Variants in IPO11 observed in about 807,000 individuals in gnomAD.
The protein encoded by IPO11 is importin 11.
Under a neutral mutation model 143.2 loss-of-function variants are expected in IPO11, and 66 were observed. The ratio of observed to expected loss-of-function variants is 0.46; its 90% CI spans 0.38 to 0.57. The LOEUF is 0.57. Among genes scored for constraint, IPO11 ranks in the 20% least tolerant of loss-of-function variants. The pLI is 0.00. For missense variants in IPO11, 1,026 were observed against 1,141.0 expected (o/e 0.90, Z 1.45); for synonymous variants, 385 against 377.8 (o/e 1.02, Z -0.22).
intron 27 of IPO11, among the ~76,000 whole-genome samples, chr5:62,590,093 G>A (rs988787407): frequency 2.0e-5 from 3 of 152,194 alleles, no homozygotes; most frequent in Non-Finnish European, 4.4e-5. Context: ...GCAGCTGTGG[G>A]GACACTCCAC....
At chr5:62,611,228 C>T (rs1055663072) in intron 29 of IPO11, among the ~76,000 whole-genome samples, 1 of 151,926 alleles carries the variant, frequency 6.6e-6, no homozygotes, top group Non-Finnish European at 1.5e-5. Flanking sequence ...TAATTCAGGT[C>T]CTAAAAAGTG....
chr5:62,558,389 C>T (rs1247723492), intron 26 of IPO11, among the ~76,000 whole-genome samples: 1 of 152,084 alleles, frequency 6.6e-6, no homozygotes, highest in Admixed American at 6.5e-5. Context: ...GGATTCAGTG[C>T]AAACTAAAAT....
At chr5:62,542,840 A>G (rs1449062002) in intron 24 of IPO11, among the ~76,000 whole-genome samples, 2 of 152,314 alleles carry the variant, frequency 1.3e-5, no homozygotes, top group African/African-American at 2.4e-5. Flanking sequence ...CATTCTGGTC[A>G]TGGTCATATT....
chr5:62,615,874 A>G lies in IPO11; in HGVS notation c.2764-11280A>G, dbSNP rs527539882. Among the ~76,000 whole-genome samples, 5 of 152,180 alleles carry G rather than the reference A, an allele frequency of 3.3e-5. No homozygotes were observed. The South Asian group carries it at 1.0e-3, about 32-fold the overall frequency. On this transcript the variant is annotated intron_variant, in intron 29 of 29. Coordinates refer to ENST00000325324, the MANE Select transcript of IPO11 (RefSeq NM_016338.5). ...ATTGGTTACTGTGAATCTCAATTTT[A>G]GAAAACTGGCCTGTTTTTAAATTTT...
Position 62,581,111 on chromosome 5 carries a change from C to T in IPO11, c.2583-10466C>T, listed in dbSNP as rs1265322878. On this transcript the variant is annotated intron_variant, in intron 27 of 29. Transcript: ENST00000325324. ...GTTCAGTTTAAACAAAAACTAAAGG[C>T]ATCAGAAAACTCAAGGGAAAATAGA... 5.8e-6 allele frequency: 9 copies of T among 1,549,310 alleles called. No individual in the cohort carries two copies. In the South Asian group the frequency reaches 1.1e-4, roughly 19 times the overall value.
At chr5:62,566,668 A>C (rs547744185) in intron 27 of IPO11, among the ~76,000 whole-genome samples, 4 of 151,384 alleles carry the variant, frequency 2.6e-5, no homozygotes, top group Non-Finnish European at 5.9e-5. Context: ...AATCCAGGAG[A>C]CAGAGGTTGC....
At chr5:62,481,101 G>A (rs1464657422) in intron 9 of IPO11, among the ~76,000 whole-genome samples, 1 of 151,572 alleles carries the variant, frequency 6.6e-6, no homozygotes, top group Non-Finnish European at 1.5e-5. Flanking sequence ...TGTATTTTTA[G>A]TAGAGACAGG....
At chr5:62,526,669 T>G (rs1188259900) in intron 21 of IPO11, 1 of 165,920 alleles carries the variant, frequency 6.0e-6, no homozygotes, top group Non-Finnish European at 1.3e-5. Context: ...CTTAACTTAC[T>G]GTTCTACTGA....
chr5:62,547,360 T>C (rs1051181392), intron 24 of IPO11, among the ~76,000 whole-genome samples: 3 of 152,112 alleles, frequency 2.0e-5, no homozygotes, highest in African/African-American at 7.2e-5. Flanking sequence ...AAATTCGTCA[T>C]GTCAGAGTGG....
intron 8 of IPO11, among the ~76,000 whole-genome samples, chr5:62,475,699 A>G (rs1745933086): frequency 6.6e-6 from 1 of 152,216 alleles, no homozygotes; most frequent in Non-Finnish European, 1.5e-5. Flanking sequence ...ACTGTGATAT[A>G]ACTTTCTGTA....
intron 1 of IPO11, among the ~76,000 whole-genome samples, chr5:62,425,352 T>C (rs1743692961): frequency 6.6e-6 from 1 of 152,184 alleles, no homozygotes; most frequent in Non-Finnish European, 1.5e-5. Flanking sequence ...AGTTTTGCTG[T>C]TGTTGCCCAG....
intron 27 of IPO11, among the ~76,000 whole-genome samples, chr5:62,586,089 A>G (rs1183338087): frequency 2.6e-5 from 4 of 152,172 alleles, no homozygotes; most frequent in African/African-American, 9.7e-5. Flanking sequence ...TGAATGAGAA[A>G]GATGCCAGTG....
intron 8 of IPO11, among the ~76,000 whole-genome samples, chr5:62,475,853 C>T (rs1334129599): frequency 6.6e-6 from 1 of 152,198 alleles, no homozygotes; most frequent in Non-Finnish European, 1.5e-5. Flanking sequence ...TTGTTATCTT[C>T]TTCTTCCATG....
chr5:62,477,491 T>C (rs2112212053), intron 9 of IPO11, among the ~76,000 whole-genome samples: 1 of 152,332 alleles, frequency 6.6e-6, no homozygotes, highest in Non-Finnish European at 1.5e-5. Context: ...TAATTACCTT[T>C]AGTTTCAGTT....
At chr5:62,485,964 TTTTTTTC>T (rs1165995106) in intron 12 of IPO11, among the ~76,000 whole-genome samples, 3 of 151,096 alleles carry the variant, frequency 2.0e-5, no homozygotes, top group African/African-American at 7.3e-5. Flanking sequence ...TAATCTGAGT[TTTTTTTC>T]TTTTTTCTTT....
chr5:62,464,177 G>C (rs1334295190), intron 5 of IPO11, among the ~76,000 whole-genome samples: 3 of 118,104 alleles, frequency 2.5e-5, no homozygotes, highest in Non-Finnish European at 5.0e-5. Context: ...TTGAGATGCA[G>C]TCTTGCTCTG....
At chr5:62,571,843 G>A (rs1744141290) in intron 27 of IPO11, among the ~76,000 whole-genome samples, 1 of 151,900 alleles carries the variant, frequency 6.6e-6, no homozygotes, top group East Asian at 1.9e-4. Context: ...ACACCACCAC[G>A]CCCAGCTCAT....
intron 19 of IPO11, among the ~76,000 whole-genome samples, chr5:62,513,989 C>T (rs1313436268): frequency 2.8e-5 from 4 of 144,872 alleles, no homozygotes; most frequent in Non-Finnish European, 6.0e-5. Flanking sequence ...ACATCTCAGA[C>T]GATGGGCTGC....
intron 27 of IPO11, chr5:62,580,678 G>C (rs764869150): frequency 2.6e-6 from 4 of 1,551,472 alleles, no homozygotes; most frequent in South Asian, 1.2e-5. Flanking sequence ...TGTATCCAGA[G>C]CTTGGGCTGT....
Sources: gnomAD v4.1 joint callset for allele counts (sites outside exome capture counted in the v4.1 genomes callset) on GRCh38, gnomAD v4.1.1 for gene constraint, MANE v1.5 for transcripts, NCBI Gene and HGNC (gene_info 2026-07-23, HGNC 2026-07-21) for gene names.